CATSPERQ: variants seen among roughly 807,000 people sequenced by gnomAD.
CATSPERQ encodes the protein cation channel sperm-associated auxiliary subunit theta.
At chr8:144,354,513 C>G in the CATSPERQ span, 25 of 1,419,288 alleles carry the variant, frequency 1.8e-5, no homozygotes, top group Non-Finnish European at 1.9e-5. This position sits in a 1 kb window ranked among gnomAD's most constrained non-coding sequence, Gnocchi z 4.6. Context: ...CCTGCCTCTG[C>G]CCACCTGGCT....
chr8:144,354,345 G>A, the CATSPERQ span: 12 of 1,531,832 alleles, frequency 7.8e-6, no homozygotes, highest in African/African-American at 1.4e-5. This position sits in a 1 kb window ranked among gnomAD's most constrained non-coding sequence, Gnocchi z 4.6. Context: ...GGGGTGGCGC[G>A]GCGCGTGAGG....
chr8:144,354,633 C>T, the CATSPERQ span: 2 of 1,522,548 alleles, frequency 1.3e-6, no homozygotes, highest in African/African-American at 2.8e-5. The surrounding 1 kb of genome is among the most constrained non-coding windows in gnomAD (Gnocchi z 4.6). Context: ...GCTCCTGCTG[C>T]ACGAATGGGT....
the CATSPERQ span, chr8:144,354,379 G>C: frequency 6.0e-6 from 9 of 1,508,810 alleles, no homozygotes; most frequent in Non-Finnish European, 8.0e-6. The surrounding 1 kb of genome is among the most constrained non-coding windows in gnomAD (Gnocchi z 4.6). Context: ...GCCCGCAGCC[G>C]GGGGTGGCGG....
At chr8:144,354,004 C>A in the CATSPERQ span, 2 of 1,535,002 alleles carry the variant, frequency 1.3e-6, no homozygotes, top group East Asian at 4.9e-5. The surrounding 1 kb of genome is among the most constrained non-coding windows in gnomAD (Gnocchi z 4.6). Context: ...GGGGCCCTGG[C>A]ACACGGTGCG....
the CATSPERQ span, chr8:144,353,954 C>A: frequency 6.5e-7 from 1 of 1,531,516 alleles, no homozygotes; most frequent in Non-Finnish European, 8.7e-7. Context: ...GGCCCGTTAC[C>A]ATCGGAGCTG....
the CATSPERQ span, chr8:144,354,736 G>A: frequency 6.5e-7 from 1 of 1,535,614 alleles, no homozygotes; most frequent in Non-Finnish European, 8.7e-7. This position sits in a 1 kb window ranked among gnomAD's most constrained non-coding sequence, Gnocchi z 4.6. Flanking sequence ...GATGGAGGTC[G>A]TGGGCAGGCT....
the CATSPERQ span, chr8:144,354,571 C>CCGAA: frequency 1.4e-6 from 1 of 736,474 alleles, no homozygotes; most frequent in Non-Finnish European, 2.1e-6. The surrounding 1 kb of genome is among the most constrained non-coding windows in gnomAD (Gnocchi z 4.6). Flanking sequence ...CCCGCCCCGC[C>CCGAA]CTTCCCAGCC....
chr8:144,354,059 C>T, the CATSPERQ span: 3 of 1,535,318 alleles, frequency 2.0e-6, no homozygotes, highest in Admixed American at 3.9e-5. This position sits in a 1 kb window ranked among gnomAD's most constrained non-coding sequence, Gnocchi z 4.6. Context: ...TGGTTCAGCA[C>T]CAGGCGGCGC....
At chr8:144,354,013 C>G in the CATSPERQ span, 1 of 1,535,456 alleles carries the variant, frequency 6.5e-7, no homozygotes, top group South Asian at 1.2e-5. The surrounding 1 kb of genome is among the most constrained non-coding windows in gnomAD (Gnocchi z 4.6). Context: ...GCACACGGTG[C>G]GGCCCTGGAT....
At chr8:144,354,811 C>T in the CATSPERQ span, 5 of 1,520,918 alleles carry the variant, frequency 3.3e-6, no homozygotes, top group East Asian at 2.5e-5. This position sits in a 1 kb window ranked among gnomAD's most constrained non-coding sequence, Gnocchi z 4.6. Flanking sequence ...CGTCCGCTGC[C>T]GCCGCCCACT....
chr8:144,354,668 T>A, the CATSPERQ span: 2 of 1,535,182 alleles, frequency 1.3e-6, no homozygotes, highest in Non-Finnish European at 1.7e-6. This position sits in a 1 kb window ranked among gnomAD's most constrained non-coding sequence, Gnocchi z 4.6. Context: ...TTGAGGCGTC[T>A]GGCCAGGTGG....
At chr8:144,354,613 G>T in the CATSPERQ span, 2 of 1,408,960 alleles carry the variant, frequency 1.4e-6, no homozygotes, top group East Asian at 3.7e-5. The surrounding 1 kb of genome is among the most constrained non-coding windows in gnomAD (Gnocchi z 4.6). Context: ...AGCCTCGCGC[G>T]CACCGTTTGG....
At chr8:144,353,665 G>GAAGACC in the CATSPERQ span, 1 of 1,469,352 alleles carries the variant, frequency 6.8e-7, no homozygotes, top group Non-Finnish European at 9.1e-7. Context: ...CCCCAGCACC[G>GAAGACC]AAGACCGTGT....
chr8:144,353,585 C>T, the CATSPERQ span: 2 of 1,478,492 alleles, frequency 1.4e-6, no homozygotes, highest in Non-Finnish European at 1.8e-6. Flanking sequence ...GAGTCGCCGT[C>T]CAGGCGTCTC....
the CATSPERQ span, chr8:144,353,498 G>A: frequency 1.3e-6 from 2 of 1,535,714 alleles, no homozygotes; most frequent in Non-Finnish European, 1.7e-6. Context: ...TGAGTTTCCG[G>A]GCGATGTAAC....
the CATSPERQ span, chr8:144,353,243 T>G: frequency 1.5e-6 from 2 of 1,353,016 alleles, no homozygotes; most frequent in Non-Finnish European, 1.9e-6. Flanking sequence ...TGAGGCAGCT[T>G]TATTGAAAGG....
the CATSPERQ span, chr8:144,353,974 C>T: frequency 2.6e-6 from 4 of 1,533,608 alleles, no homozygotes; most frequent in South Asian, 3.6e-5. Flanking sequence ...GAGCGCCAGG[C>T]GCACGTAGAC....
At chr8:144,353,884 G>T in the CATSPERQ span, 1 of 1,531,302 alleles carries the variant, frequency 6.5e-7, no homozygotes, top group Non-Finnish European at 8.7e-7. Flanking sequence ...AGCGGACTTA[G>T]CCAGCCTGGC....
chr8:144,353,868 G>A, the CATSPERQ span: 1 of 1,534,364 alleles, frequency 6.5e-7, no homozygotes, highest in South Asian at 1.2e-5. Context: ...CGTGGGCTGC[G>A]GGGAGAGCGG....
Sources: gnomAD v4.1 joint callset for allele counts on GRCh38, gnomAD v4.1.1 for gene constraint, Gnocchi (gnomAD v3.1) non-coding constraint, MANE v1.5 for transcripts, NCBI Gene and HGNC (gene_info 2026-07-23, HGNC 2026-07-21) for gene names.